Variants in GTF3C5 observed in about 807,000 individuals in gnomAD.
The protein encoded by GTF3C5 is general transcription factor IIIC subunit 5.
GTF3C5 carries 47 observed loss-of-function variants against 61.0 expected under a neutral mutation model. The observed-to-expected ratio is 0.77, with a 90% CI of 0.61 to 0.98. GTF3C5 has a LOEUF of 0.98. GTF3C5 is among the 50% of genes least tolerant of loss of function. The pLI is 0.00. For synonymous variants in GTF3C5, 295 were observed against 275.4 expected (o/e 1.07, Z -0.71); for missense variants, 659 against 703.3 (o/e 0.94, Z 0.71).
chr9:133,033,214 A>T (rs1321505247), intron 1 of GTF3C5, among the ~76,000 whole-genome samples: 1 of 152,148 alleles, frequency 6.6e-6, no homozygotes, highest in African/African-American at 2.4e-5. Context: ...CCCTCGGGGA[A>T]CTCCAGTGGC....
At chr9:133,040,430 T>G (rs1298346346) in intron 1 of GTF3C5, among the ~76,000 whole-genome samples, 2 of 152,232 alleles carry the variant, frequency 1.3e-5, no homozygotes, top group Non-Finnish European at 2.9e-5. Flanking sequence ...AAGTATTCAT[T>G]CATATGTACG....
At chr9:133,031,781 T>C (rs975967770) in intron 1 of GTF3C5, among the ~76,000 whole-genome samples, 1 of 152,122 alleles carries the variant, frequency 6.6e-6, no homozygotes, top group African/African-American at 2.4e-5. Context: ...GACCGCACAG[T>C]CTAAGCTAAT....
chr9:133,051,852 C>T, intron 4 of GTF3C5: 1 of 437,854 alleles, frequency 2.3e-6, no homozygotes, highest in Non-Finnish European at 4.1e-6. Context: ...GCACTTGGCA[C>T]AGGCTGGGCA....
chr9:133,055,924 C>T (rs1588481562), intron 8 of GTF3C5, 88 bp from the exon 9 acceptor site: 1 of 1,580,024 alleles, frequency 6.3e-7, no homozygotes, highest in Non-Finnish European at 8.6e-7. Flanking sequence ...CCTGGAGAGA[C>T]CCCATGGGAG....
chr9:133,043,857 T>C lies in GTF3C5; in HGVS notation c.503T>C (p.Ile168Thr), dbSNP rs1564198308. 6.2e-7 allele frequency: 1 copy of C among 1,613,520 alleles called. No homozygotes were observed. The highest frequency in any genetic ancestry group is 1.1e-5 in the South Asian group (1 of 91,026). ...TTCCACCAGGAGCTGCCGCTCTACA[T>C]CCCCCCACCCATCTTCTCCCGGCTG... The part of the protein sequence containing the change: ...AFFHQELPLY[I>T]PPPIFSRLDA... Residue 168 changes from isoleucine (I) to threonine (T), a missense_variant, in exon 3 of 11, where the codon ATC becomes ACC. Coordinates refer to ENST00000372097, the MANE Select transcript of GTF3C5 (RefSeq NM_012087.4).
At chr9:133,054,605 C>G in intron 7 of GTF3C5, 107 bp from the exon 8 acceptor site, 1 of 1,411,376 alleles carries the variant, frequency 7.1e-7, no homozygotes, top group South Asian at 1.2e-5. Context: ...GCCGGTCATT[C>G]CTCCCCTAGG....
intron 5 of GTF3C5, 53 bp from the exon 6 acceptor site, chr9:133,053,775 C>A: frequency 8.3e-7 from 1 of 1,209,974 alleles, no homozygotes; most frequent in Non-Finnish European, 1.2e-6. Flanking sequence ...CTGGCCCGTC[C>A]AGGGACCTGG....
At chr9:133,053,602 C>T (rs1797711511) in intron 5 of GTF3C5, among the ~76,000 whole-genome samples, 1 of 152,176 alleles carries the variant, frequency 6.6e-6, no homozygotes. Flanking sequence ...CAAAAACCCA[C>T]AGGAAAGGGT....
chr9:133,055,984 C>T, intron 8 of GTF3C5, 28 bp from the exon 9 acceptor site: 1 of 1,613,854 alleles, frequency 6.2e-7, no homozygotes, highest in Non-Finnish European at 8.5e-7. Context: ...GGCTCACCTT[C>T]CCTGTCTCTC....
At chr9:133,057,537 G>A (rs952457212) in intron 10 of GTF3C5, among the ~76,000 whole-genome samples, 26 of 152,166 alleles carry the variant, frequency 1.7e-4, no homozygotes, top group African/African-American at 6.3e-4. Flanking sequence ...CTAATCAAGG[G>A]TGTGGACCCT....
intron 1 of GTF3C5, among the ~76,000 whole-genome samples, chr9:133,037,290 G>T (rs974967814): frequency 4.6e-5 from 7 of 152,194 alleles, no homozygotes; most frequent in Middle Eastern, 3.2e-3. Context: ...GGACAACAGG[G>T]TGAGTAGTCT....
intron 1 of GTF3C5, among the ~76,000 whole-genome samples, chr9:133,035,864 G>T (rs1003487726): frequency 3.9e-5 from 6 of 152,190 alleles, no homozygotes; most frequent in African/African-American, 1.4e-4. Flanking sequence ...TGTGGGCAAG[G>T]TCTTGGCCTT....
At chr9:133,057,586 T>C (rs1829975761) in intron 10 of GTF3C5, among the ~76,000 whole-genome samples, 1 of 152,142 alleles carries the variant, frequency 6.6e-6, no homozygotes, top group South Asian at 2.1e-4. Flanking sequence ...TGAGGGTCCA[T>C]GGGCCCTTGA....
chr9:133,047,317 A>G, intron 3 of GTF3C5, among the ~76,000 whole-genome samples: 1 of 151,590 alleles, frequency 6.6e-6, no homozygotes, highest in East Asian at 1.9e-4. Context: ...AACATCCTCT[A>G]CCACCACCAC....
rs529026662 is a variant in GTF3C5 at position 133,055,928 on chromosome 9, A to G, written c.1168-84A>G. 8.6e-5 allele frequency: 136 copies of G among 1,586,094 alleles called. No individual in the cohort carries two copies. In the South Asian group the frequency reaches 1.4e-3, roughly 16 times the overall value. Reference sequence around the variant, plus strand: ...CCAGCCAGCTCCCTGGAGAGACCCCATGGGAGCCTACATGGAGTCTGCAAC... The same window carrying G: ...CCAGCCAGCTCCCTGGAGAGACCCCGTGGGAGCCTACATGGAGTCTGCAAC... On this transcript the variant is annotated intron_variant, in intron 8 of 10. Transcript: ENST00000372097.
At chr9:133,050,005 A>G (rs1414948462) in intron 3 of GTF3C5, among the ~76,000 whole-genome samples, 2 of 152,160 alleles carry the variant, frequency 1.3e-5, no homozygotes, top group South Asian at 2.1e-4. Flanking sequence ...GTTTGGACAA[A>G]TGGAACCCTT....
In GTF3C5 at chr9:133,049,044, G is replaced by A. The variant is rs373719965; in HGVS notation, c.573-1739G>A. On this transcript the variant is annotated intron_variant, in intron 3 of 10. Coordinates refer to ENST00000372097, the MANE Select transcript of GTF3C5 (RefSeq NM_012087.4). ...AGCAGAGGCTGCTGGGTGGCCTGACGGGGTCGTCCTAACTGGAGGATGGTG... is the reference window on the plus strand; with the variant it reads ...AGCAGAGGCTGCTGGGTGGCCTGACAGGGTCGTCCTAACTGGAGGATGGTG... Among the ~76,000 whole-genome samples the A allele has an allele frequency of 1.2e-3, 181 of 152,310 alleles. No homozygotes were observed. The South Asian group carries it at 0.014, about 12-fold the overall frequency.
At chr9:133,038,513 C>T (rs1452629682) in intron 1 of GTF3C5, among the ~76,000 whole-genome samples, 23 of 148,708 alleles carry the variant, frequency 1.5e-4, no homozygotes, top group African/African-American at 5.0e-4. Flanking sequence ...TGCAGTGGCG[C>T]GATCTCGGCT....
intron 3 of GTF3C5, among the ~76,000 whole-genome samples, chr9:133,049,281 G>C: frequency 6.6e-6 from 1 of 152,226 alleles, no homozygotes; most frequent in East Asian, 1.9e-4. Flanking sequence ...GCTCTTGCAG[G>C]TGACCACCCG....
Sources: allele counts gnomAD v4.1 joint callset (sites outside exome capture counted in the v4.1 genomes callset), GRCh38; gene constraint gnomAD v4.1.1; transcripts MANE v1.5; gene names NCBI Gene and HGNC (gene_info 2026-07-23, HGNC 2026-07-21).